KLHL7: variants seen among roughly 807,000 people sequenced by gnomAD.
The protein encoded by KLHL7 is kelch like family member 7.
Under a neutral mutation model 67.4 loss-of-function variants are expected in KLHL7, and 44 were observed. That is an observed-to-expected ratio of 0.65 (90% CI 0.51 to 0.84). The LOEUF (loss-of-function observed/expected upper bound fraction) is 0.84. Ranked by LOEUF, KLHL7 falls within the 40% of genes least tolerant of loss-of-function variation. The pLI is 0.00. For missense variants in KLHL7, 362 were observed against 718.1 expected (o/e 0.50, Z 5.67); for synonymous variants, 252 against 243.3 (o/e 1.04, Z -0.33).
chr7:23,121,621 A>G (rs763344141), intron 1 of KLHL7, among the ~76,000 whole-genome samples: 3 of 150,758 alleles, frequency 2.0e-5, no homozygotes, highest in Non-Finnish European at 4.4e-5. Context: ...GTCTGTGGAT[A>G]TACCTTTCTT....
intron 1 of KLHL7, among the ~76,000 whole-genome samples, chr7:23,114,010 A>C (rs1782987304): frequency 6.6e-6 from 1 of 152,250 alleles, no homozygotes; most frequent in Non-Finnish European, 1.5e-5. Context: ...AAAGGAAATG[A>C]GGCATCTTGA....
chr7:23,109,183 G>A (rs1016644478), intron 1 of KLHL7, among the ~76,000 whole-genome samples: 27 of 152,130 alleles, frequency 1.8e-4, no homozygotes, highest in African/African-American at 6.3e-4. Context: ...TTTTTGCTCC[G>A]CATCCCTGCC....
chr7:23,130,996 A>C (rs1783778462), intron 4 of KLHL7, among the ~76,000 whole-genome samples: 1 of 152,214 alleles, frequency 6.6e-6, no homozygotes, highest in South Asian at 2.1e-4. Context: ...TGAAAGAGTT[A>C]TTTATTCCTG....
chr7:23,175,334 C>T lies in KLHL7; in HGVS notation c.*1036C>T, dbSNP rs1252528844. On this transcript the variant is annotated 3_prime_UTR_variant, in exon 11 of 11. Transcript: ENST00000339077. ...TCATTTCCTTCCTAGTAATACTTTG[C>T]CTTTTTCACTGTGTATGGAATGAAA... 2.2e-6 allele frequency: 1 copy of T among 453,860 alleles called. No homozygotes were observed. Among genetic ancestry groups the T allele is most frequent in the Non-Finnish European group, 4.4e-6 (1 of 226,766 alleles). 28.1% of individuals were successfully genotyped at this position (453,860 alleles called of 1,614,324 possible).
chr7:23,119,019 C>T (rs773264158), intron 1 of KLHL7, among the ~76,000 whole-genome samples: 17 of 151,886 alleles, frequency 1.1e-4, no homozygotes, highest in Non-Finnish European at 2.4e-4. Context: ...TGCAGTAAGC[C>T]GAGATTGCAC....
chr7:23,143,822 A>G (rs1397589855), intron 5 of KLHL7, 29 bp from the exon 6 acceptor site: 1 of 1,610,950 alleles, frequency 6.2e-7, no homozygotes, highest in Non-Finnish European at 8.5e-7. Context: ...GTCTTCTAAG[A>G]ACTTTACTGT....
rs1782702246 is a variant in KLHL7 at position 23,107,739 on chromosome 7, T to C, written c.120+1593T>C. On this transcript the variant is annotated intron_variant, in intron 1 of 10. Coordinates refer to ENST00000339077, the MANE Select transcript of KLHL7 (RefSeq NM_001031710.3). Reference sequence around the variant, plus strand: ...TGGTTACCTGGTGAACAACCAGGGGTCCCCTCCACAATGATTAACTGACCT... The same window carrying C: ...TGGTTACCTGGTGAACAACCAGGGGCCCCCTCCACAATGATTAACTGACCT... Among the ~76,000 whole-genome samples, 3 of 152,248 alleles carry C rather than the reference T, an allele frequency of 2.0e-5. No individual in the cohort carries two copies. In the South Asian group the frequency reaches 6.2e-4, roughly 32 times the overall value.
intron 1 of KLHL7, among the ~76,000 whole-genome samples, chr7:23,121,486 G>T (rs867271630): frequency 3.3e-5 from 5 of 150,474 alleles, no homozygotes; most frequent in African/African-American, 1.2e-4. Context: ...TTTTTGTAGA[G>T]ACAGAGTTTC....
chr7:23,157,319 C>T (rs1784736190), intron 7 of KLHL7, among the ~76,000 whole-genome samples: 1 of 152,152 alleles, frequency 6.6e-6, no homozygotes, highest in Non-Finnish European at 1.5e-5. Context: ...AGCAATCATC[C>T]CAGATGAGGT....
intron 1 of KLHL7, among the ~76,000 whole-genome samples, chr7:23,116,850 A>G (rs768524378): frequency 1.1e-4 from 17 of 152,194 alleles, no homozygotes; most frequent in Non-Finnish European, 2.4e-4. Context: ...CAGTTCCACT[A>G]TATACCATAT....
Position 23,119,585 on chromosome 7 carries a change from A to G in KLHL7, c.121-4192A>G, listed in dbSNP as rs142159076. Among the ~76,000 whole-genome samples the G allele has an allele frequency of 5.2e-3, 790 of 152,356 alleles. 9 individuals are homozygous for G. The highest frequency in any genetic ancestry group is 5.1e-3 in the Non-Finnish European group (345 of 68,034). On this transcript the variant is annotated intron_variant, in intron 1 of 10. Transcript: ENST00000339077. ...ACATGTTACAGGTTTTGACAAATGT[A>G]TAATGACATGTATACACCATTACAA...
intron 4 of KLHL7, among the ~76,000 whole-genome samples, chr7:23,134,774 T>G (rs938788652): frequency 1.3e-5 from 2 of 152,200 alleles, no homozygotes; most frequent in African/African-American, 4.8e-5. Context: ...ACTGATCCTT[T>G]GAATTTCTGC....
Position 23,150,446 on chromosome 7 carries a change from G to A in KLHL7, c.794-1621G>A, listed in dbSNP as rs142957255. 2.3e-3 allele frequency among the ~76,000 whole-genome samples: 347 copies of A among 152,132 alleles called. 1 individual carries two copies. Among genetic ancestry groups the A allele is most frequent in the African/African-American group, 7.5e-3 (312 of 41,504 alleles). On this transcript the variant is annotated intron_variant, in intron 6 of 10. Coordinates refer to ENST00000339077, the MANE Select transcript of KLHL7 (RefSeq NM_001031710.3). ...ATATACATTTTTAACACAAACAGTA[G>A]TGCACTCTGCGTACTGTTCTACATC...
intron 9 of KLHL7, chr7:23,171,074 T>G (rs1396185179): frequency 5.3e-6 from 1 of 188,620 alleles, no homozygotes; most frequent in Non-Finnish European, 1.2e-5. Context: ...CACGGGCTAA[T>G]TTTTGTATTT....
intron 4 of KLHL7, among the ~76,000 whole-genome samples, chr7:23,131,780 C>G (rs1411654176): frequency 1.3e-5 from 2 of 148,702 alleles, no homozygotes; most frequent in East Asian, 3.9e-4. Flanking sequence ...CCCTCAATCT[C>G]CCGACTACCA....
chr7:23,153,827 G>A (rs564887411), intron 7 of KLHL7, among the ~76,000 whole-genome samples: 43 of 152,328 alleles, frequency 2.8e-4, no homozygotes, highest in Non-Finnish European at 4.0e-4. Context: ...AGTTTACCCA[G>A]AAGTGTAATA....
In KLHL7 at chr7:23,175,367, A is replaced by G; in HGVS notation, c.*1069A>G. 1 of 453,074 alleles carries G rather than the reference A, an allele frequency of 2.2e-6. No homozygotes were observed. The highest frequency in any genetic ancestry group is 4.4e-6 in the Non-Finnish European group (1 of 226,582). 28.1% of individuals were successfully genotyped at this position (453,074 alleles called of 1,614,324 possible). The stretch of plus-strand genomic sequence containing the variant: ...ACTGTGTATGGAATGAAACATGTAA[A>G]GCTGTCACAATCAATGTTTTTATCT... On this transcript the variant is annotated 3_prime_UTR_variant, in exon 11 of 11. Transcript: ENST00000339077.
chr7:23,166,108 C>G (rs1207722739), intron 8 of KLHL7, among the ~76,000 whole-genome samples, 170 bp downstream of exon 8: 1 of 152,134 alleles, frequency 6.6e-6, no homozygotes, highest in Admixed American at 6.5e-5. Context: ...TATGTCGTTG[C>G]TTTACAAACC....
chr7:23,152,062 T>C lies in KLHL7; in HGVS notation c.794-5T>C, dbSNP rs371929151. 2.1e-5 allele frequency: 34 copies of C among 1,613,694 alleles called. No individual in the cohort carries two copies. Among genetic ancestry groups the C allele is most frequent in the Admixed American group, 1.7e-4 (10 of 59,996 alleles). ...CTTGAAGCGTTGCCATGTATTTTAC[T>C]ACAGGTGGAATGAGGTACCATCTAC... On this transcript the variant is annotated splice_region_variant and splice_polypyrimidine_tract_variant and intron_variant, in intron 6 of 10. Coordinates refer to ENST00000339077, the MANE Select transcript of KLHL7 (RefSeq NM_001031710.3).
Sources: allele counts gnomAD v4.1 joint callset (sites outside exome capture counted in the v4.1 genomes callset), GRCh38; gene constraint gnomAD v4.1.1; transcripts MANE v1.5; gene names NCBI Gene and HGNC (gene_info 2026-07-23, HGNC 2026-07-21).